LUC7L2: variants seen among roughly 807,000 people sequenced by gnomAD.
LUC7L2 encodes putative RNA-binding protein Luc7-like 2.
In LUC7L2, 25 loss-of-function variants were observed where a neutral mutation model predicts 52.8. The ratio of observed to expected loss-of-function variants is 0.47; its 90% CI spans 0.34 to 0.66. LUC7L2 has a LOEUF of 0.66. LUC7L2 is among the 30% of genes least tolerant of loss of function. The probability of loss-of-function intolerance (pLI) is 0.01; values close to 1 mark genes in which losing one functional copy is unlikely to be tolerated. For synonymous variants in LUC7L2, 144 were observed against 160.9 expected (o/e 0.89, Z 0.80); for missense variants, 328 against 497.8 (o/e 0.66, Z 3.25).
chr7:139,341,848 T>C (rs952768248), intron 1 of LUC7L2, among the ~76,000 whole-genome samples: 2 of 152,160 alleles, frequency 1.3e-5, no homozygotes, highest in African/African-American at 2.4e-5. Context: ...GAGGATTCAA[T>C]GCTGGGGATA....
upstream of LUC7L2, among the ~76,000 whole-genome samples, chr7:139,355,474 C>T (rs1159095580): frequency 6.6e-6 from 1 of 151,960 alleles, no homozygotes; most frequent in African/African-American, 2.4e-5. Context: ...TATAATTGGC[C>T]AACTCAGATT....
At chr7:139,358,802 A>G (rs879551093), upstream of LUC7L2, among the ~76,000 whole-genome samples, 2 of 151,946 alleles carry the variant, frequency 1.3e-5, no homozygotes, top group Non-Finnish European at 2.9e-5. Flanking sequence ...CTCCTGCCTC[A>G]GCCTCCCGAG....
intron 2 of LUC7L2, among the ~76,000 whole-genome samples, chr7:139,381,074 A>G (rs1359199510): frequency 1.3e-5 from 2 of 152,146 alleles, no homozygotes. Flanking sequence ...ATAGGCCCTC[A>G]TATCTTCTAG....
chr7:139,397,156 G>A (rs1201594872), intron 2 of LUC7L2, among the ~76,000 whole-genome samples: 2 of 152,102 alleles, frequency 1.3e-5, no homozygotes, highest in African/African-American at 2.4e-5. Context: ...ACTTCCCTGT[G>A]ATTAATAGTG....
intron 1 of LUC7L2, among the ~76,000 whole-genome samples, chr7:139,374,201 TAGTC>T (rs1800597214): frequency 6.6e-6 from 1 of 152,186 alleles, no homozygotes; most frequent in Non-Finnish European, 1.5e-5. Context: ...CTTTTACCTG[TAGTC>T]AGTCATACAA....
At chr7:139,375,555 G>A (rs553878420) in intron 1 of LUC7L2, 9 of 985,558 alleles carry the variant, frequency 9.1e-6, no homozygotes, top group Non-Finnish European at 7.2e-6. Context: ...AAGAAATGGC[G>A]TCTGGGGTTC....
chr7:139,351,715 T>G (rs1441328581), intron 1 of LUC7L2, among the ~76,000 whole-genome samples: 2 of 152,248 alleles, frequency 1.3e-5, no homozygotes, highest in Non-Finnish European at 2.9e-5. Flanking sequence ...TTGGGAGCCA[T>G]GGTCTTGATT....
At chr7:139,341,659 A>C in intron 1 of LUC7L2, 29 of 1,359,484 alleles carry the variant, frequency 2.1e-5, no homozygotes, top group East Asian at 1.2e-4. Context: ...TTCTGACCAA[A>C]CCAACCCAGG....
At chr7:139,379,507 A>T (rs1235017545) in intron 2 of LUC7L2, among the ~76,000 whole-genome samples, 2 of 143,426 alleles carry the variant, frequency 1.4e-5, no homozygotes, top group Non-Finnish European at 3.0e-5. Context: ...ATGAAAATGC[A>T]CTTACAACAT....
intron 2 of LUC7L2, among the ~76,000 whole-genome samples, chr7:139,389,798 C>T (rs1254721323): frequency 2.0e-5 from 3 of 152,186 alleles, no homozygotes; most frequent in Non-Finnish European, 4.4e-5. Flanking sequence ...GTTCCTCCCT[C>T]ATTGAGCTTA....
chr7:139,379,799 C>T (rs997240483), intron 2 of LUC7L2, among the ~76,000 whole-genome samples: 23 of 152,018 alleles, frequency 1.5e-4, no homozygotes, highest in African/African-American at 4.3e-4. Context: ...CTCCTGACCT[C>T]AGTTGATCTG....
chr7:139,349,794 G>T (rs1441176156), intron 1 of LUC7L2, among the ~76,000 whole-genome samples: 5 of 151,984 alleles, frequency 3.3e-5, no homozygotes, highest in African/African-American at 1.2e-4. Flanking sequence ...CTGTATTTTT[G>T]AAACTTCTAA....
At chr7:139,345,795 A>G in intron 1 of LUC7L2, 5 of 1,363,968 alleles carry the variant, frequency 3.7e-6, no homozygotes, top group Non-Finnish European at 3.9e-6. Context: ...TTTAAGTTTA[A>G]GGTTTTTCTC....
At chr7:139,413,038 T>G (rs1168605567) in intron 8 of LUC7L2, among the ~76,000 whole-genome samples, 1 of 152,086 alleles carries the variant, frequency 6.6e-6, no homozygotes, top group African/African-American at 2.4e-5. Flanking sequence ...ACCAAAATGT[T>G]TAGTATACCC....
intron 2 of LUC7L2, among the ~76,000 whole-genome samples, chr7:139,383,890 T>C (rs567468908): frequency 5.7e-4 from 86 of 151,590 alleles, no homozygotes; most frequent in African/African-American, 2.0e-3. Flanking sequence ...CCCGCTACCA[T>C]GCCTGGCTAA....
At chr7:139,409,690 C>A in intron 7 of LUC7L2, 36 bp downstream of exon 7, 1 of 1,546,906 alleles carries the variant, frequency 6.5e-7, no homozygotes, top group South Asian at 1.2e-5. Context: ...GAAGTTGAAT[C>A]TCTGTGGTTC....
chr7:139,359,670 A>G (rs932978268), upstream of LUC7L2: 1 of 397,642 alleles, frequency 2.5e-6, no homozygotes, highest in Non-Finnish European at 4.4e-6. Context: ...GCCGGGAGGG[A>G]ATGTAATGTA....
At chr7:139,393,254 G>A (rs990078482) in intron 2 of LUC7L2, among the ~76,000 whole-genome samples, 4 of 151,846 alleles carry the variant, frequency 2.6e-5, no homozygotes, top group South Asian at 4.2e-4. Context: ...GCAACAGAGC[G>A]AGACTCTGTC....
upstream of LUC7L2, chr7:139,359,442 A>C: frequency 5.8e-6 from 1 of 171,738 alleles, no homozygotes; most frequent in Non-Finnish European, 1.2e-5. Flanking sequence ...CCCGGCCGGG[A>C]AAGGCGCACG....
Sources: allele counts gnomAD v4.1 joint callset (sites outside exome capture counted in the v4.1 genomes callset), GRCh38; gene constraint gnomAD v4.1.1; transcripts MANE v1.5; gene names NCBI Gene and HGNC (gene_info 2026-07-23, HGNC 2026-07-21).